The following RASA2 variants were observed in gnomAD, a reference collection of about 807,000 sequenced individuals.
The protein encoded by RASA2 is RAS p21 protein activator 2, also known as ras GTPase-activating protein 2.
A neutral mutation model predicts 118.2 loss-of-function variants in RASA2; 155 were observed. That is an observed-to-expected ratio of 1.31 (90% confidence interval 1.15 to 1.50). RASA2 has a LOEUF of 1.50. Ranked by LOEUF, RASA2 falls within the 40% of genes most tolerant of loss-of-function variation. RASA2 has a pLI of 0.00. For missense variants in RASA2, 1,016 were observed against 1,009.6 expected, an observed-to-expected ratio of 1.01 and a Z score of -0.09; for synonymous variants, 353 against 349.1, an observed-to-expected ratio of 1.01 and a Z score of -0.12.
At chr3:141,522,903 G>A (rs944638889) in intron 3 of RASA2, among the ~76,000 whole-genome samples, 7 of 152,014 alleles carry the variant, frequency 4.6e-5, no homozygotes, top group Non-Finnish European at 1.0e-4. Context: ...TCAGTCTGAA[G>A]TATCACTTTC....
chr3:141,555,591 G>A (rs532614966), intron 6 of RASA2, among the ~76,000 whole-genome samples: 2 of 151,264 alleles, frequency 1.3e-5, no homozygotes, highest in Admixed American at 6.6e-5. Flanking sequence ...CCTGAAAAAG[G>A]TTGGCAATCT....
chr3:141,541,757 G>A (rs1252807430), intron 5 of RASA2, among the ~76,000 whole-genome samples: 1 of 151,188 alleles, frequency 6.6e-6, no homozygotes, highest in African/African-American at 2.4e-5. Flanking sequence ...CTTTAACATG[G>A]AATAGTTTTT....
intron 3 of RASA2, among the ~76,000 whole-genome samples, chr3:141,522,796 TC>T (rs1249248274): frequency 3.3e-5 from 5 of 152,186 alleles, no homozygotes; most frequent in Admixed American, 2.6e-4. Context: ...ACTCTGGACT[TC>T]CTGGCTACTC....
chr3:141,589,589 TC>T (rs1171203766), intron 19 of RASA2, among the ~76,000 whole-genome samples: 5 of 152,148 alleles, frequency 3.3e-5, no homozygotes, highest in Non-Finnish European at 2.9e-5. Flanking sequence ...ACACCCGTGA[TC>T]CCAACACTTT....
At chr3:141,562,343 G>A (rs1439751075) in intron 9 of RASA2, among the ~76,000 whole-genome samples, 3 of 149,562 alleles carry the variant, frequency 2.0e-5, no homozygotes, top group African/African-American at 4.9e-5. Flanking sequence ...AAAGAAATAG[G>A]CCTGGCACGG....
intron 12 of RASA2, 37 bp downstream of exon 12, chr3:141,572,760 C>A: frequency 7.0e-7 from 1 of 1,423,494 alleles, no homozygotes; most frequent in Non-Finnish European, 9.7e-7. Context: ...AGTTTGTGGC[C>A]TTATGATAGT....
At chr3:141,598,400 CCT>C (rs2083408897) in intron 19 of RASA2, among the ~76,000 whole-genome samples, 1 of 152,098 alleles carries the variant, frequency 6.6e-6, no homozygotes, top group Non-Finnish European at 1.5e-5. Context: ...AAATTTAACA[CCT>C]CTTTGTGATT....
At chr3:141,537,681 A>G (rs916330904) in intron 4 of RASA2, among the ~76,000 whole-genome samples, 12 of 152,250 alleles carry the variant, frequency 7.9e-5, no homozygotes, top group Non-Finnish European at 1.3e-4. Flanking sequence ...AGGCAGGAGA[A>G]TCGCTTGAAC....
At chr3:141,561,714 G>T (rs545290936) in intron 9 of RASA2, among the ~76,000 whole-genome samples, 35 of 152,304 alleles carry the variant, frequency 2.3e-4, no homozygotes, top group Non-Finnish European at 2.9e-5. Context: ...TCTTTCTAAT[G>T]TTGATGTTAA....
At chr3:141,553,721 A>G in intron 5 of RASA2, 136 bp from the exon 6 acceptor site, 1 of 1,391,586 alleles carries the variant, frequency 7.2e-7, no homozygotes, top group Non-Finnish European at 9.4e-7. Context: ...CCATATAGGT[A>G]GTATATAGCC....
At chr3:141,529,999 A>G (rs535202178) in intron 4 of RASA2, among the ~76,000 whole-genome samples, 197 bp downstream of exon 4, 12 of 152,268 alleles carry the variant, frequency 7.9e-5, no homozygotes, top group Non-Finnish European at 1.3e-4. Flanking sequence ...ATGCTCATGT[A>G]TATGCATATG....
At chr3:141,590,183 A>G (rs761073229) in intron 19 of RASA2, 4 of 456,308 alleles carry the variant, frequency 8.8e-6, no homozygotes, top group African/African-American at 8.0e-5. Flanking sequence ...TACCATTGAT[A>G]ATATTAATTG....
intron 1 of RASA2, among the ~76,000 whole-genome samples, chr3:141,502,343 G>A (rs1199771479): frequency 6.6e-6 from 1 of 151,992 alleles, no homozygotes; most frequent in Non-Finnish European, 1.5e-5. Flanking sequence ...TACTTTTCCT[G>A]AAGTATGAAC....
intron 1 of RASA2, among the ~76,000 whole-genome samples, chr3:141,507,777 C>T: frequency 6.6e-6 from 1 of 152,216 alleles, no homozygotes. Context: ...AGTAAAACAA[C>T]CCAAACTCAA....
At chr3:141,559,036 T>A (rs566209463) in intron 8 of RASA2, 74 bp downstream of exon 8, 1 of 1,264,566 alleles carries the variant, frequency 7.9e-7, no homozygotes, top group Non-Finnish European at 1.1e-6. Context: ...CCAAAAAAAG[T>A]AAACCAACTT....
At chr3:141,582,013 A>G (rs1282730856) in intron 17 of RASA2, among the ~76,000 whole-genome samples, 1 of 152,214 alleles carries the variant, frequency 6.6e-6, no homozygotes, top group Admixed American at 6.5e-5. Context: ...AAAATAAGGA[A>G]AGAAATGAAT....
Position 141,539,654 on chromosome 3 carries a change from T to C in RASA2, c.451-879T>C, listed in dbSNP as rs188731652. 4.7e-3 allele frequency among the ~76,000 whole-genome samples: 719 copies of C among 152,350 alleles called. 5 individuals carry two copies. Among genetic ancestry groups the C allele is most frequent in the Non-Finnish European group, 8.1e-3 (548 of 68,026 alleles). On this transcript the variant is annotated intron_variant, in intron 4 of 23. Coordinates refer to ENST00000286364, the MANE Select transcript of RASA2 (RefSeq NM_006506.5). The stretch of plus-strand genomic sequence containing the variant: ...CACATGGCAATGTGAGAATTTGTCT[T>C]GTCAGCTGGAGGGAGGTAATCCAGT...
intron 4 of RASA2, among the ~76,000 whole-genome samples, chr3:141,538,134 C>T (rs142669596): frequency 1.6e-4 from 24 of 150,772 alleles, no homozygotes; most frequent in African/African-American, 5.2e-4. Flanking sequence ...CACACACAAA[C>T]TTGTTTTGCT....
chr3:141,497,338 C>T (rs1266090408), intron 1 of RASA2, among the ~76,000 whole-genome samples: 2 of 150,400 alleles, frequency 1.3e-5, no homozygotes, highest in South Asian at 2.1e-4. Flanking sequence ...AAAAAAAGAG[C>T]GAGTTAGCCT....
Sources: allele counts gnomAD v4.1 joint callset (sites outside exome capture counted in the v4.1 genomes callset), GRCh38; gene constraint gnomAD v4.1.1; transcripts MANE v1.5; gene names NCBI Gene and HGNC (gene_info 2026-07-23, HGNC 2026-07-21).